Variants in CPEB3 observed in about 807,000 individuals in gnomAD.
CPEB3 encodes cytoplasmic polyadenylation element-binding protein 3.
Under a neutral mutation model 67.2 loss-of-function variants are expected in CPEB3, and 20 were observed. That is an observed-to-expected ratio of 0.30 (90% CI 0.21 to 0.43). The LOEUF (loss-of-function observed/expected upper bound fraction) is 0.43, where lower values mean the gene tolerates loss of function less well. CPEB3 is among the 20% of genes least tolerant of loss of function. CPEB3 has a pLI of 1.00. For synonymous variants in CPEB3, 376 were observed against 393.1 expected, an observed-to-expected ratio of 0.96 and a Z score of 0.51; for missense variants, 746 against 968.6, an observed-to-expected ratio of 0.77 and a Z score of 3.05.
intron 2 of CPEB3, among the ~76,000 whole-genome samples, chr10:92,237,932 T>C (rs1422186005): frequency 6.6e-6 from 1 of 152,196 alleles, no homozygotes; most frequent in African/African-American, 2.4e-5. Context: ...CTTGTGAAGA[T>C]CCTCTGTCAT....
intron 1 of CPEB3, among the ~76,000 whole-genome samples, chr10:92,258,627 TATA>T (rs1852633201): frequency 3.9e-4 from 2 of 5,068 alleles, no homozygotes; most frequent in Admixed American, 2.1e-3. Flanking sequence ...ATTTTTTGAA[TATA>T]TATATATATA....
chr10:92,219,035 A>G (rs1203930525), intron 2 of CPEB3, among the ~76,000 whole-genome samples: 1 of 152,204 alleles, frequency 6.6e-6, no homozygotes, highest in African/African-American at 2.4e-5. Flanking sequence ...TGTTGAACAC[A>G]CTTTCTTTGA....
chr10:92,162,833 C>T (rs1847555779), intron 4 of CPEB3, among the ~76,000 whole-genome samples: 1 of 152,166 alleles, frequency 6.6e-6, no homozygotes, highest in African/African-American at 2.4e-5. Flanking sequence ...GCATGTTATG[C>T]TCTGCTGTTT....
rs565459471 is a variant in CPEB3, at chr10:92,075,256, G to A, written c.1869+6064C>T. Among the ~76,000 whole-genome samples, 201 of 152,292 alleles carry A rather than the reference G, an allele frequency of 1.3e-3. 5 individuals are homozygous for A. The South Asian group carries it at 0.04, about 30-fold the overall frequency. ...GCTACTTTGTTCCTGTAACTTTGAA[G>A]AGCACAGGTTAAATAAGTAGGATCC... On this transcript the variant is annotated intron_variant, in intron 9 of 9. Coordinates refer to ENST00000265997, the MANE Select transcript of CPEB3 (RefSeq NM_014912.5).
At chr10:92,237,648 G>A (rs1316471649) in intron 2 of CPEB3, among the ~76,000 whole-genome samples, 1 of 152,134 alleles carries the variant, frequency 6.6e-6, no homozygotes, top group Non-Finnish European at 1.5e-5. Flanking sequence ...AAGATTTTAG[G>A]TTATCCTCTA....
intron 9 of CPEB3, 105 bp downstream of exon 9, chr10:92,081,214 AG>A (rs1408837966): frequency 2.5e-6 from 3 of 1,177,748 alleles, no homozygotes; most frequent in Admixed American, 1.7e-5. Flanking sequence ...ATGCCATGCA[AG>A]GTAGAGCTGG....
chr10:92,227,881 G>A (rs972781576), intron 2 of CPEB3, among the ~76,000 whole-genome samples: 3 of 149,378 alleles, frequency 2.0e-5, no homozygotes, highest in Non-Finnish European at 3.0e-5. Flanking sequence ...GTGAGCCACC[G>A]CGCCCGGCCT....
intron 4 of CPEB3, among the ~76,000 whole-genome samples, chr10:92,151,408 A>T (rs1846962430): frequency 6.6e-6 from 1 of 152,202 alleles, no homozygotes; most frequent in Non-Finnish European, 1.5e-5. Context: ...CTCATAAAAT[A>T]CATACATATT....
At chr10:92,094,542 C>T (rs1435276521) in intron 7 of CPEB3, among the ~76,000 whole-genome samples, 1 of 151,364 alleles carries the variant, frequency 6.6e-6, no homozygotes, top group Admixed American at 6.6e-5. Flanking sequence ...GCGGAGCTTG[C>T]AGTGTGCCAA....
chr10:92,267,189 CA>C (rs546760931), intron 1 of CPEB3, among the ~76,000 whole-genome samples: 250 of 152,252 alleles, frequency 1.6e-3, no homozygotes, highest in Non-Finnish European at 2.1e-3. Flanking sequence ...CTGGGGTTGG[CA>C]AATTTTTTCT....
chr10:92,223,621 T>A (rs997952931), intron 2 of CPEB3, among the ~76,000 whole-genome samples: 1 of 142,078 alleles, frequency 7.0e-6, no homozygotes, highest in African/African-American at 2.5e-5. Flanking sequence ...TCACGCAGGC[T>A]GGAGTGCAAT....
intron 6 of CPEB3, among the ~76,000 whole-genome samples, chr10:92,127,796 A>G (rs1440440063): frequency 6.6e-6 from 1 of 152,194 alleles, no homozygotes; most frequent in Non-Finnish European, 1.5e-5. Flanking sequence ...CAGTGTGGCC[A>G]TAGTGGGTAA....
At chr10:92,275,361 CA>C in intron 1 of CPEB3, among the ~76,000 whole-genome samples, 1 of 152,114 alleles carries the variant, frequency 6.6e-6, no homozygotes, top group Non-Finnish European at 1.5e-5. Context: ...TTCTGTGAAA[CA>C]AAAAATCCTA....
intron 1 of CPEB3, among the ~76,000 whole-genome samples, chr10:92,253,829 G>T (rs1180811035): frequency 6.6e-6 from 1 of 151,942 alleles, no homozygotes; most frequent in Admixed American, 6.6e-5. Flanking sequence ...AATAGGAGGG[G>T]GAGCCTTAGG....
intron 2 of CPEB3, among the ~76,000 whole-genome samples, chr10:92,232,983 A>G (rs189949531): frequency 2.0e-5 from 3 of 152,280 alleles, no homozygotes; most frequent in Admixed American, 1.3e-4. Flanking sequence ...CAAAAACCTA[A>G]TATTTCCTAA....
chr10:92,211,196 A>G (rs1850064865), intron 2 of CPEB3, among the ~76,000 whole-genome samples: 1 of 152,244 alleles, frequency 6.6e-6, no homozygotes, highest in Non-Finnish European at 1.5e-5. Flanking sequence ...GAACAATATA[A>G]GCATTCAGCC....
At chr10:92,183,702 G>A (rs1308453790) in intron 3 of CPEB3, among the ~76,000 whole-genome samples, 6 of 152,192 alleles carry the variant, frequency 3.9e-5, no homozygotes, top group African/African-American at 9.6e-5. Flanking sequence ...TAAGGAAATC[G>A]CATATATGGA....
chr10:92,211,291 G>C (rs1424122747), intron 2 of CPEB3, among the ~76,000 whole-genome samples: 1 of 152,066 alleles, frequency 6.6e-6, no homozygotes, highest in Admixed American at 6.6e-5. Context: ...AATTTATCAA[G>C]TATCCAAGAA....
intron 6 of CPEB3, chr10:92,136,941 T>C (rs1477350843): frequency 1.1e-5 from 2 of 177,670 alleles, no homozygotes; most frequent in African/African-American, 2.4e-5. Context: ...TGAAATGAGA[T>C]TGTTGACAGT....
Sources: gnomAD v4.1 joint callset for allele counts (sites outside exome capture counted in the v4.1 genomes callset) on GRCh38, gnomAD v4.1.1 for gene constraint, MANE v1.5 for transcripts, NCBI Gene and HGNC (gene_info 2026-07-23, HGNC 2026-07-21) for gene names.